METTL15: variants seen among roughly 807,000 people sequenced by gnomAD.
METTL15 encodes the protein 12S rRNA N(4)-cytidine methyltransferase METTL15.
In METTL15, 34 loss-of-function variants were observed where a neutral mutation model predicts 38.3. The observed-to-expected ratio is 0.89, with a 90% CI of 0.68 to 1.18. The LOEUF is 1.18. Among genes scored for constraint, METTL15 ranks in the 50% most tolerant of loss-of-function variants. The pLI is 0.00. For synonymous variants in METTL15, 162 were observed against 170.9 expected (o/e 0.95, Z 0.41); for missense variants, 438 against 498.4 (o/e 0.88, Z 1.15).
At chr11:28,374,371 G>A (rs1330568678) in intron 5 of METTL15, among the ~76,000 whole-genome samples, 1 of 151,952 alleles carries the variant, frequency 6.6e-6, no homozygotes, top group African/African-American at 2.4e-5. Context: ...TCCTTGAAGA[G>A]GTCCTTCACA....
At chr11:28,436,925 G>A (rs1189525845) in intron 6 of METTL15, among the ~76,000 whole-genome samples, 2 of 152,158 alleles carry the variant, frequency 1.3e-5, no homozygotes, top group Admixed American at 6.5e-5. Context: ...ATCTGGGTGG[G>A]CACCATCTAA....
At chr11:28,327,235 A>G (rs1849665983) in intron 6 of METTL15, among the ~76,000 whole-genome samples, 1 of 152,182 alleles carries the variant, frequency 6.6e-6, no homozygotes, top group African/African-American at 2.4e-5. Context: ...CTTCCAGGAA[A>G]TCCATCAGAC....
At chr11:28,168,953 C>G (rs564760786) in intron 3 of METTL15, among the ~76,000 whole-genome samples, 21 of 152,140 alleles carry the variant, frequency 1.4e-4, no homozygotes, top group African/African-American at 4.1e-4. Context: ...TTAGAATGAC[C>G]TTTGGGCCAC....
chr11:28,150,729 G>T (rs1051822625), intron 3 of METTL15, among the ~76,000 whole-genome samples: 3 of 151,854 alleles, frequency 2.0e-5, no homozygotes, highest in Admixed American at 6.6e-5. Flanking sequence ...CTGCTCATTA[G>T]GGTTGGAATG....
At chr11:28,138,425 A>G (rs1200109362) in intron 3 of METTL15, among the ~76,000 whole-genome samples, 2 of 152,214 alleles carry the variant, frequency 1.3e-5, no homozygotes, top group African/African-American at 2.4e-5. Context: ...CAAGTGGCCA[A>G]TATTTCTAAC....
chr11:28,447,255 A>G (rs1851083073), intron 6 of METTL15, among the ~76,000 whole-genome samples: 1 of 152,112 alleles, frequency 6.6e-6, no homozygotes, highest in African/African-American at 2.4e-5. Context: ...TCATGAGATT[A>G]GGTTATGAAA....
At chr11:28,244,078 T>C (rs961515642) in intron 4 of METTL15, among the ~76,000 whole-genome samples, 2 of 152,142 alleles carry the variant, frequency 1.3e-5, no homozygotes, top group African/African-American at 4.8e-5. Flanking sequence ...ATAATATTAT[T>C]TGAAGATTTA....
In METTL15 at chr11:28,378,501, G is replaced by A. The variant is rs192256176; in HGVS notation, c.*358+16465G>A. Among the ~76,000 whole-genome samples the A allele has an allele frequency of 6.2e-3, 941 of 152,314 alleles. 8 individuals are homozygous for A. Among genetic ancestry groups the A allele is most frequent in the Admixed American group, 0.013 (203 of 15,300 alleles). On this transcript the variant is annotated intron_variant and NMD_transcript_variant, in intron 5 of 7. Coordinates refer to the METTL15 transcript ENST00000532947. ...CGCTTCCCAAGTGAGGCAATGCCTC[G>A]CCCTGCTTCGGCTCGTGCACGGTGC...
In METTL15 at chr11:28,443,751, T is replaced by C. The variant is rs537008686; in HGVS notation, c.*424+19387T>C. On this transcript the variant is annotated intron_variant and NMD_transcript_variant, in intron 6 of 7. Transcript: ENST00000532947. ...AAACCCATTAGGGAATCCTGTCCGC[T>C]CCACTTGAGAGTATGTAGAGAATCT... Among the ~76,000 whole-genome samples, 8 of 152,294 alleles carry C rather than the reference T, an allele frequency of 5.3e-5. No individual in the cohort carries two copies. The South Asian group carries it at 1.0e-3, about 20-fold the overall frequency.
At chr11:28,153,917 C>A (rs1850177576) in intron 3 of METTL15, among the ~76,000 whole-genome samples, 1 of 152,058 alleles carries the variant, frequency 6.6e-6, no homozygotes, top group Non-Finnish European at 1.5e-5. Flanking sequence ...ATTGGTAGTG[C>A]TGGGAAAAGT....
chr11:28,168,865 A>G (rs182511352), intron 3 of METTL15, among the ~76,000 whole-genome samples: 37 of 152,228 alleles, frequency 2.4e-4, no homozygotes, highest in African/African-American at 8.7e-4. Context: ...CTGACACTGA[A>G]AACAGAGGGC....
In METTL15 at chr11:28,220,646, C is replaced by T. The variant is rs1425280407; in HGVS notation, c.407+9448C>T. Among the ~76,000 whole-genome samples the T allele has an allele frequency of 2.6e-5, 4 of 152,144 alleles. No individual in the cohort carries two copies. The East Asian group carries it at 7.7e-4, about 29-fold the overall frequency. ...TTTGGCCCGTTAGTTGATGAAGTTT[C>T]TTCCTAGCCTCGATGGTCTTTACAA... On this transcript the variant is annotated intron_variant, in intron 4 of 6. Transcript: ENST00000407364.
intron 5 of METTL15, among the ~76,000 whole-genome samples, chr11:28,400,357 G>A (rs984432472): frequency 6.6e-6 from 1 of 151,812 alleles, no homozygotes; most frequent in African/African-American, 2.4e-5. Flanking sequence ...TGCACTCAAA[G>A]TTATTAACAT....
At chr11:28,153,703 A>G (rs961302482) in intron 3 of METTL15, among the ~76,000 whole-genome samples, 3 of 152,168 alleles carry the variant, frequency 2.0e-5, no homozygotes, top group African/African-American at 7.2e-5. Context: ...TGAGTGGGCA[A>G]AGAATGTGCT....
intron 4 of METTL15, among the ~76,000 whole-genome samples, chr11:28,271,711 A>G (rs1349274098): frequency 6.6e-6 from 1 of 152,190 alleles, no homozygotes; most frequent in Non-Finnish European, 1.5e-5. Flanking sequence ...AAAAGCCAAA[A>G]TTGAAAATTG....
chr11:28,264,246 A>G (rs1189776149), intron 4 of METTL15, among the ~76,000 whole-genome samples: 4 of 152,134 alleles, frequency 2.6e-5, no homozygotes. Flanking sequence ...TATTTATGTT[A>G]CTATTTATAT....
At chr11:28,201,161 G>C (rs1193256069) in intron 3 of METTL15, among the ~76,000 whole-genome samples, 2 of 152,134 alleles carry the variant, frequency 1.3e-5, no homozygotes, top group Non-Finnish European at 2.9e-5. Flanking sequence ...AGTCTATTGA[G>C]ATAATCATGT....
At chr11:28,516,604 A>G (rs773582318) in intron 6 of METTL15, among the ~76,000 whole-genome samples, 7 of 152,218 alleles carry the variant, frequency 4.6e-5, no homozygotes, top group Non-Finnish European at 8.8e-5. Context: ...TACTGAGAAA[A>G]TAAGATGCCC....
At chr11:28,243,147 T>C (rs898208774) in intron 4 of METTL15, among the ~76,000 whole-genome samples, 2 of 151,780 alleles carry the variant, frequency 1.3e-5, no homozygotes, top group East Asian at 3.9e-4. Context: ...AGAGGGACTT[T>C]TAGATGATTT....
Sources: allele counts gnomAD v4.1 joint callset (sites outside exome capture counted in the v4.1 genomes callset), GRCh38; gene constraint gnomAD v4.1.1; transcripts MANE v1.5; gene names NCBI Gene and HGNC (gene_info 2026-07-23, HGNC 2026-07-21).